Variants in BAHCC1 observed in about 807,000 individuals in gnomAD.
BAHCC1 encodes the protein BAH and coiled-coil domain-containing protein 1.
Under a neutral mutation model 88.2 loss-of-function variants are expected in BAHCC1, and 43 were observed. The observed-to-expected ratio is 0.49, with a 90% CI of 0.38 to 0.63. The LOEUF is 0.63. BAHCC1 is among the 20% of genes least tolerant of loss of function. The probability of loss-of-function intolerance (pLI) is 0.00; values close to 1 mark genes in which losing one functional copy is unlikely to be tolerated. For missense variants in BAHCC1, 3,023 were observed against 1,654.8 expected, an observed-to-expected ratio of 1.83 and a Z score of -14.34; for synonymous variants, 1,510 against 745.5, an observed-to-expected ratio of 2.03 and a Z score of -16.71.
At chr17:81,454,717 G>T (rs1555656800) in intron 14 of BAHCC1, among the ~76,000 whole-genome samples, 2 of 152,150 alleles carry the variant, frequency 1.3e-5, no homozygotes, top group African/African-American at 2.4e-5. Context: ...GCCGGGCCCG[G>T]CCTGCATAAG....
rs782606882 is a variant in BAHCC1 at position 81,463,596 on chromosome 17, G to A, written c.7621-15G>A. 1.5e-4 allele frequency: 118 copies of A among 779,076 alleles called. No homozygotes were observed. The highest frequency in any genetic ancestry group is 1.0e-3 in the South Asian group (75 of 74,606). The allele number at this position is 779,076 out of a possible 1,614,324, so 48.3% of individuals were successfully genotyped here. A position where few individuals can be genotyped will look rare whatever the true frequency, so the allele number is the denominator to read the frequency against. On this transcript the variant is annotated splice_polypyrimidine_tract_variant and intron_variant, in intron 27 of 27. Transcript: ENST00000675386. ...CCAAGGCCGGCCACTGATGCCCCGCGCGCCTTGCCCCCAGAATGCGCTGTA... is the reference window on the plus strand; with the variant it reads ...CCAAGGCCGGCCACTGATGCCCCGCACGCCTTGCCCCCAGAATGCGCTGTA...
chr17:81,422,019 T>C (rs2064122358), intron 2 of BAHCC1: 1 of 332,872 alleles, frequency 3.0e-6, no homozygotes, highest in African/African-American at 2.3e-5. Context: ...TCGTGATTTT[T>C]TTTTTTCTTG....
rs2064508627 is a variant in BAHCC1, at chr17:81,445,518, G to T, written c.3000G>T (p.Lys1000Asn). The part of the protein sequence containing the change: ...LPPCCHPPDP[K>N]PPASSPTPPP... ...CTTGCTGCCATCCGCCCGACCCAAAGCCCCCCGCCAGCTCCCCCACCCCAC... is the reference window on the plus strand; with the variant it reads ...CTTGCTGCCATCCGCCCGACCCAAATCCCCCCGCCAGCTCCCCCACCCCAC... Residue 1000 changes from lysine to asparagine, a missense_variant, in exon 10 of 28, where the codon AAG (lysine) becomes AAT (asparagine). Physicochemically the swap from Lys to Asn is moderately conservative, Grantham distance 94. Transcript: ENST00000675386. The T allele has an allele frequency of 5.5e-6, 4 of 732,648 alleles. No individual in the cohort carries two copies. The South Asian group carries it at 5.8e-5, about 11-fold the overall frequency. The allele number at this position is 732,648 out of a possible 1,614,324, so 45.4% of individuals were successfully genotyped here. A position where few individuals can be genotyped will look rare whatever the true frequency, so the allele number is the denominator to read the frequency against.
intron 3 of BAHCC1, among the ~76,000 whole-genome samples, chr17:81,437,309 C>T (rs957379896): frequency 9.2e-5 from 14 of 152,258 alleles, no homozygotes; most frequent in Non-Finnish European, 1.6e-4. Context: ...GCAGGCCGGC[C>T]GGCACTGGCA....
chr17:81,465,372 C>T lies in BAHCC1; in HGVS notation c.*1555C>T, dbSNP rs2030633895. 6.6e-6 allele frequency: 1 copy of T among 152,224 alleles called. No individual in the cohort carries two copies. The highest frequency in any genetic ancestry group is 2.1e-4 in the South Asian group (1 of 4,832). 9.4% of individuals were successfully genotyped at this position (152,224 alleles called of 1,614,324 possible). ...ATCCTGGCCCCAGGTGCAAGCAGCA[C>T]CCCTCGAGGGCTCTGCCCCAGTATC... On this transcript the variant is annotated 3_prime_UTR_variant, in exon 28 of 28. Transcript: ENST00000675386.
rs1555657269 is a variant in BAHCC1 at position 81,456,367 on chromosome 17, A to G, written c.4640A>G (p.Gln1547Arg). The G allele has an allele frequency of 4.1e-6, 3 of 723,886 alleles. No individual in the cohort carries two copies. 44.8% of individuals were successfully genotyped at this position (723,886 alleles called of 1,614,324 possible). ...LAPSVAHRVA[Q>R]LKPKVKSKGL... ...CCCTCCGTGGCCCACAGGGTGGCCCAGCTGAAACCCAAGGTCAAGAGCAAA... is the reference window on the plus strand; with the variant it reads ...CCCTCCGTGGCCCACAGGGTGGCCCGGCTGAAACCCAAGGTCAAGAGCAAA... The change falls in exon 16 of 28, where the codon CAG (glutamine) becomes CGG (arginine). Residue 1547 changes from glutamine (Q) to arginine (R), a missense_variant. By Grantham distance (43) the Gln-to-Arg change is conservative (BLOSUM62 1). Coordinates refer to ENST00000675386, the MANE Select transcript of BAHCC1 (RefSeq NM_001377448.1).
intron 2 of BAHCC1, among the ~76,000 whole-genome samples, chr17:81,425,215 A>G (rs1469825027): frequency 2.2e-5 from 1 of 46,060 alleles, no homozygotes; most frequent in African/African-American, 1.1e-4. Context: ...ATGGTGGGTG[A>G]TGTGGTTGGT....
At position 81,416,926 on chromosome 17, in the gene BAHCC1, C is replaced by T. The variant is rs79098575; in HGVS notation, c.179-9874C>T. ...GAGTCTCCCTACAGCCCGGCTCTGT[C>T]GGGGCTCATCCTATGGCTGCTGTGC... is the stretch of plus-strand genomic sequence containing the variant. On this transcript the variant is annotated intron_variant, in intron 2 of 27. Transcript: ENST00000675386. 6.6e-5 allele frequency among the ~76,000 whole-genome samples: 10 copies of T among 152,312 alleles called. No homozygotes were observed. In the East Asian group the frequency reaches 1.9e-3, roughly 29 times the overall value.
chr17:81,453,997 G>A (rs1411109441), intron 14 of BAHCC1, among the ~76,000 whole-genome samples: 2 of 152,142 alleles, frequency 1.3e-5, no homozygotes, highest in Non-Finnish European at 1.5e-5. Flanking sequence ...GGGACATCCG[G>A]CCACGCCAGG....
At chr17:81,450,231 A>AC (rs2064608523) in intron 11 of BAHCC1, among the ~76,000 whole-genome samples, 1 of 150,290 alleles carries the variant, frequency 6.7e-6, no homozygotes, top group East Asian at 2.0e-4. Flanking sequence ...ATCACCACCC[A>AC]CCCCCACCGC....
chr17:81,430,479 G>A (rs1346077210), intron 3 of BAHCC1, among the ~76,000 whole-genome samples: 1 of 152,178 alleles, frequency 6.6e-6, no homozygotes, highest in African/African-American at 2.4e-5. Context: ...CAGCTCCTGG[G>A]GGTCCGGGGC....
chr17:81,425,514 AGTG>A (rs2064176216), intron 2 of BAHCC1, among the ~76,000 whole-genome samples: 3 of 56,696 alleles, frequency 5.3e-5, no homozygotes, highest in Non-Finnish European at 9.5e-5. Context: ...TGGGGGTGAT[AGTG>A]GTGGGTGATG....
chr17:81,421,000 C>G (rs1384622693), intron 2 of BAHCC1, among the ~76,000 whole-genome samples: 1 of 152,254 alleles, frequency 6.6e-6, no homozygotes, highest in Non-Finnish European at 1.5e-5. Flanking sequence ...CATGCTCCAT[C>G]TCTTACCAGC....
chr17:81,446,432 G>C (rs1458469003), intron 10 of BAHCC1, among the ~76,000 whole-genome samples: 1 of 149,938 alleles, frequency 6.7e-6, no homozygotes, highest in Non-Finnish European at 1.5e-5. Flanking sequence ...GATGGCTCCT[G>C]AGGCCACCCC....
chr17:81,440,623 GC>G (rs1220216583), intron 4 of BAHCC1, among the ~76,000 whole-genome samples: 2 of 152,172 alleles, frequency 1.3e-5, no homozygotes, highest in Non-Finnish European at 2.9e-5. Context: ...CGGTGGCCTG[GC>G]CCCCTCTGTG....
chr17:81,418,337 AC>A lies in BAHCC1; in HGVS notation c.179-8461del, dbSNP rs561708256. 1.4e-3 allele frequency among the ~76,000 whole-genome samples: 220 copies of A among 152,140 alleles called. 2 individuals are homozygous for A. Among genetic ancestry groups the A allele is most frequent in the African/African-American group, 5.1e-3 (212 of 41,498 alleles). On this transcript the variant is annotated intron_variant, in intron 2 of 27. Transcript: ENST00000675386. ...GAGGGGAGCTGGGCCTGGCCACGTG[AC>A]CTGTTGGCTGCCCGCCAGAATCTAC... is the stretch of plus-strand genomic sequence containing the variant.
At chr17:81,416,789 A>T (rs547961090) in intron 2 of BAHCC1, among the ~76,000 whole-genome samples, 1 of 152,326 alleles carries the variant, frequency 6.6e-6, no homozygotes, top group East Asian at 1.9e-4. Flanking sequence ...TGTTTGGGCC[A>T]GGTGGCAGGA....
chr17:81,454,287 C>T (rs544545990), intron 14 of BAHCC1, among the ~76,000 whole-genome samples: 2 of 152,312 alleles, frequency 1.3e-5, no homozygotes, highest in East Asian at 1.9e-4. Flanking sequence ...CTGGAGGTAG[C>T]TGCTGGGCCC....
chr17:81,414,722 G>A lies in BAHCC1; in HGVS notation c.179-12078G>A, dbSNP rs147545994. Among the ~76,000 whole-genome samples the A allele has an allele frequency of 5.3e-3, 800 of 152,326 alleles. 6 individuals are homozygous for A. The highest frequency in any genetic ancestry group is 0.018 in the African/African-American group (759 of 41,566). On this transcript the variant is annotated intron_variant, in intron 2 of 27. Coordinates refer to ENST00000675386, the MANE Select transcript of BAHCC1 (RefSeq NM_001377448.1). ...GTGGCCGTCGGGGGCAGGAGGGACC[G>A]AGGTTCCCCGGGGTTCGTCACAGCC...
Sources: gnomAD v4.1 joint callset for allele counts (sites outside exome capture counted in the v4.1 genomes callset) on GRCh38, gnomAD v4.1.1 for gene constraint, MANE v1.5 for transcripts, NCBI Gene and HGNC (gene_info 2026-07-23, HGNC 2026-07-21) for gene names.